Variants in THOC2 observed in about 807,000 individuals in gnomAD.
The protein encoded by THOC2 is THO complex subunit 2.
A neutral mutation model predicts 128.4 loss-of-function variants in THOC2; 10 were observed. That is an observed-to-expected ratio of 0.08 (90% confidence interval 0.05 to 0.13). THOC2 has a LOEUF of 0.13. Ranked by LOEUF, THOC2 falls within the 10% of genes least tolerant of loss-of-function variation. THOC2 has a pLI of 1.00. For missense variants in THOC2, 535 were observed against 1,155.7 expected (o/e 0.46, Z 7.79); for synonymous variants, 393 against 396.9 (o/e 0.99, Z 0.12).
intron 8 of THOC2, among the ~76,000 whole-genome samples, chrX:123,683,768 T>G (rs1389722526): frequency 9.1e-6 from 1 of 110,320 alleles, no homozygotes; most frequent in East Asian, 2.8e-4. Context: ...ACCCGGCTAA[T>G]TTTGTATTTT....
At chrX:123,675,369 A>G (rs1037760516) in intron 8 of THOC2, among the ~76,000 whole-genome samples, 3 of 111,683 alleles carry the variant, frequency 2.7e-5, no homozygotes, top group Non-Finnish European at 3.8e-5. Flanking sequence ...GGCTGGGCAC[A>G]GTGACTCACA....
rs764144257 is a variant in THOC2, at chrX:123,622,830, ACAC to A, written c.3710_3712del (p.Gly1237del). 8.3e-7 allele frequency: 1 copy of A among 1,199,296 alleles called. No homozygotes were observed. The highest frequency in any genetic ancestry group is 1.8e-5 in the African/African-American group (1 of 57,025). ...ACTAGAAGCTTTATTAACAGCTTTC[ACAC>A]CACACTGAGATCTCTCCCTTGATTT... On this transcript the variant is annotated inframe_deletion, in exon 30 of 39. Coordinates refer to ENST00000245838, the MANE Select transcript of THOC2 (RefSeq NM_001081550.2).
chrX:123,636,923 A>C (rs1357345980), intron 18 of THOC2, among the ~76,000 whole-genome samples: 1 of 112,259 alleles, frequency 8.9e-6, no homozygotes, highest in Non-Finnish European at 1.9e-5. Context: ...GATGAGCAAA[A>C]GGCTCCATGG....
chrX:123,680,961 T>C (rs1340088936), intron 8 of THOC2, among the ~76,000 whole-genome samples: 1 of 109,603 alleles, frequency 9.1e-6, no homozygotes, highest in Non-Finnish European at 1.9e-5. Flanking sequence ...CACACACACA[T>C]GCATTCTCTC....
chrX:123,652,230 A>T (rs2048389325), intron 12 of THOC2, among the ~76,000 whole-genome samples: 1 of 111,415 alleles, frequency 9.0e-6, no homozygotes. Flanking sequence ...AAAATTCAAC[A>T]CCCCTTCATG....
chrX:123,686,440 A>G, intron 8 of THOC2, 108 bp downstream of exon 8: 1 of 589,534 alleles, frequency 1.7e-6, no homozygotes, highest in East Asian at 3.7e-5. Context: ...CTCTTCTGCT[A>G]GAACACCTGA....
At chrX:123,633,556 C>T (rs1278336549) in intron 20 of THOC2, among the ~76,000 whole-genome samples, 1 of 111,105 alleles carries the variant, frequency 9.0e-6, no homozygotes, top group Non-Finnish European at 1.9e-5. Flanking sequence ...GCACCCACCA[C>T]TACACCTGGC....
chrX:123,695,562 C>T (rs2050414930), intron 7 of THOC2, among the ~76,000 whole-genome samples: 1 of 112,148 alleles, frequency 8.9e-6, no homozygotes, highest in South Asian at 3.7e-4. Context: ...CAAAATTACA[C>T]ATCTGTAGTT....
At chrX:123,723,648 T>C (rs918577928) in intron 1 of THOC2, among the ~76,000 whole-genome samples, 4 of 110,559 alleles carry the variant, frequency 3.6e-5, no homozygotes, top group African/African-American at 1.3e-4. Context: ...ACATACAATA[T>C]GGATGAATCT....
At chrX:123,670,081 T>G (rs1257274852) in intron 9 of THOC2, among the ~76,000 whole-genome samples, 2 of 112,260 alleles carry the variant, frequency 1.8e-5, no homozygotes, top group African/African-American at 6.5e-5. Flanking sequence ...CATACCTGTG[T>G]TTTTAAATTT....
chrX:123,610,044 TA>T (rs997134108), intron 38 of THOC2, among the ~76,000 whole-genome samples: 7 of 108,856 alleles, frequency 6.4e-5, no homozygotes, highest in Non-Finnish European at 1.3e-4. Context: ...AAAATAAAAA[TA>T]AAAAAATAAA....
intron 36 of THOC2, 139 bp from the exon 37 acceptor site, chrX:123,611,655 G>A (rs2046703497): frequency 1.4e-4 from 55 of 380,451 alleles, no homozygotes; most frequent in South Asian, 1.9e-4. Context: ...AGCAACAAAA[G>A]GAAAAAAATA....
chrX:123,669,525 A>T (rs979233163), intron 9 of THOC2, among the ~76,000 whole-genome samples: 3 of 110,825 alleles, frequency 2.7e-5, no homozygotes, highest in African/African-American at 9.9e-5. Flanking sequence ...CATGTTGGTC[A>T]GGCTGGTCTC....
intron 1 of THOC2, among the ~76,000 whole-genome samples, chrX:123,720,681 G>C (rs1272035188): frequency 1.8e-5 from 2 of 110,801 alleles, no homozygotes; most frequent in African/African-American, 6.6e-5. Flanking sequence ...CAACAGAAGA[G>C]CAAATAAAGA....
chrX:123,694,791 T>C (rs1205042419), intron 7 of THOC2, among the ~76,000 whole-genome samples: 2 of 110,293 alleles, frequency 1.8e-5, no homozygotes, highest in African/African-American at 6.6e-5. Flanking sequence ...CTAGATCAGC[T>C]GCCAGAACTA....
chrX:123,645,687 C>T (rs1306883107), intron 12 of THOC2, among the ~76,000 whole-genome samples: 2 of 112,656 alleles, frequency 1.8e-5, no homozygotes, highest in African/African-American at 6.4e-5. Flanking sequence ...AAGGGCTGGG[C>T]GCGGTGCCTC....
intron 34 of THOC2, 127 bp from the exon 35 acceptor site, chrX:123,613,835 G>A: frequency 2.7e-6 from 2 of 731,413 alleles, no homozygotes; most frequent in Non-Finnish European, 4.1e-6. Context: ...CACATACTTG[G>A]TAAAATGGCA....
rs2047873632 is a variant in THOC2 at position 123,640,611 on chromosome X, T to C, written c.1673A>G (p.Lys558Arg). 2 of 1,179,057 alleles carry C rather than the reference T, an allele frequency of 1.7e-6. No individual in the cohort carries two copies. Among genetic ancestry groups the C allele is most frequent in the Non-Finnish European group, 2.3e-6 (2 of 874,411 alleles). Residue 558 changes from lysine (K) to arginine (R), a missense_variant, in exon 16 of 39, where the codon AAG (lysine) becomes AGG (arginine). Lys to Arg is a conservative substitution (Grantham distance 26, BLOSUM62 2). Coordinates refer to ENST00000245838, the MANE Select transcript of THOC2 (RefSeq NM_001081550.2). Reference protein sequence around the residue: ...RAKYIMKRLTKENVKPSGRQI... With the variant: ...RAKYIMKRLTRENVKPSGRQI... ...TCTTCCAGAAGGCTTCACATTTTCC[T>C]TGGTTAGGCGCCTACGGAGGAAGAA...
chrX:123,708,609 G>A (rs2051040890), intron 2 of THOC2, among the ~76,000 whole-genome samples: 1 of 110,846 alleles, frequency 9.0e-6, no homozygotes, highest in Non-Finnish European at 1.9e-5. Context: ...TAGGGGACCA[G>A]GGAAGTCTAA....
Sources: allele counts gnomAD v4.1 joint callset (sites outside exome capture counted in the v4.1 genomes callset), GRCh38; gene constraint gnomAD v4.1.1; transcripts MANE v1.5; gene names NCBI Gene and HGNC (gene_info 2026-07-23, HGNC 2026-07-21).